Variants in YTHDC2 observed in about 807,000 individuals in gnomAD.
YTHDC2 encodes 3'-5' RNA helicase YTHDC2.
A neutral mutation model predicts 174.9 loss-of-function variants in YTHDC2; 45 were observed. The ratio of observed to expected loss-of-function variants is 0.26; its 90% CI spans 0.20 to 0.33. YTHDC2 has a LOEUF of 0.33. Among genes scored for constraint, YTHDC2 ranks in the 10% least tolerant of loss-of-function variants. YTHDC2 has a pLI of 1.00. For missense variants in YTHDC2, 1,650 were observed against 1,723.7 expected (o/e 0.96, Z 0.76); for synonymous variants, 657 against 574.5 (o/e 1.14, Z -2.05).
intron 17 of YTHDC2, among the ~76,000 whole-genome samples, chr5:113,557,035 A>G (rs2112688182): frequency 6.6e-6 from 1 of 152,318 alleles, no homozygotes; most frequent in Middle Eastern, 3.4e-3. Flanking sequence ...CAGAACATGC[A>G]TCTAGTAGTC....
At chr5:113,590,227 GT>G (rs1229463636) in intron 26 of YTHDC2, among the ~76,000 whole-genome samples, 1 of 152,322 alleles carries the variant, frequency 6.6e-6, no homozygotes, top group African/African-American at 2.4e-5. Context: ...GTGATGCACA[GT>G]TTAGTTGCAA....
At chr5:113,531,412 GACACC>G (rs997677997) in intron 4 of YTHDC2, among the ~76,000 whole-genome samples, 2 of 152,096 alleles carry the variant, frequency 1.3e-5, no homozygotes, top group African/African-American at 4.8e-5. Flanking sequence ...GTCTTGAGTA[GACACC>G]ACTAGAGGGT....
chr5:113,541,020 T>A lies in YTHDC2; in HGVS notation c.1263T>A (p.Ser421Arg). The A allele has an allele frequency of 1.2e-6, 2 of 1,613,976 alleles. No homozygotes were observed. The highest frequency in any genetic ancestry group is 1.7e-6 in the Non-Finnish European group (2 of 1,179,950). The stretch of plus-strand genomic sequence containing the variant: ...AATGGTACTCAGCTCAAGAAAATAG[T>A]TTCAAGCCTGAATCTCAGAGGCAGA... ...LTEWYSAQENSFKPESQRQRT... is the reference protein window; with the variant it reads ...LTEWYSAQENRFKPESQRQRT... The change falls in exon 9 of 30, where the codon AGT becomes AGA. Residue 421 changes from serine to arginine, a missense_variant. Ser to Arg is a moderately radical substitution (Grantham distance 110). Coordinates refer to ENST00000161863, the MANE Select transcript of YTHDC2 (RefSeq NM_022828.5).
At position 113,532,987 on chromosome 5, in the gene YTHDC2, G is replaced by A. The variant is rs115673426; in HGVS notation, c.784G>A (p.Ala262Thr). 167 of 1,614,152 alleles carry A rather than the reference G, an allele frequency of 1.0e-4. No homozygotes were observed. The African/African-American group carries it at 1.5e-3, about 14-fold the overall frequency. Residue 262 changes from alanine (A) to threonine (T), a missense_variant, in exon 5 of 30, where the codon GCA becomes ACA. By Grantham distance (58) the Ala-to-Thr change is moderately conservative (BLOSUM62 0). This residue lies in a region of YTHDC2 where 304 missense variants were observed against 341.4 expected (regional missense o/e 0.89). Coordinates refer to ENST00000161863, the MANE Select transcript of YTHDC2 (RefSeq NM_022828.5). ...AAIAVAERVA[A>T]ERRERIGQTI... Reference sequence around the variant, plus strand: ...TATCGCTGTGGCTGAAAGAGTTGCCGCAGAGAGACGGGAAAGGATTGGTCA... The same window carrying A: ...TATCGCTGTGGCTGAAAGAGTTGCCACAGAGAGACGGGAAAGGATTGGTCA...
Position 113,535,938 on chromosome 5 carries a change from C to G in YTHDC2, c.1102+140C>G, listed in dbSNP as rs544419998. The G allele has an allele frequency of 1.2e-5, 8 of 649,434 alleles. No homozygotes were observed. The South Asian group carries it at 1.8e-4, about 15-fold the overall frequency. 40.2% of individuals were successfully genotyped at this position (649,434 alleles called of 1,614,324 possible). ...CCACCTGAGATAGGCTTAATTGTCA[C>G]TTCTTTCTGTTTTCAACTTCTCCTT... On this transcript the variant is annotated intron_variant, in intron 7 of 29. Coordinates refer to ENST00000161863, the MANE Select transcript of YTHDC2 (RefSeq NM_022828.5).
chr5:113,545,027 T>A (rs1371283203), intron 10 of YTHDC2, among the ~76,000 whole-genome samples: 2 of 152,218 alleles, frequency 1.3e-5, no homozygotes, highest in Non-Finnish European at 2.9e-5. Flanking sequence ...GAGCTTGAGA[T>A]ATTCTGTTTA....
intron 5 of YTHDC2, among the ~76,000 whole-genome samples, chr5:113,533,660 GT>G (rs1175062064): frequency 6.6e-6 from 1 of 152,116 alleles, no homozygotes; most frequent in African/African-American, 2.4e-5. Flanking sequence ...TAGAGTACAG[GT>G]TTGATGTGAA....
intron 20 of YTHDC2, among the ~76,000 whole-genome samples, chr5:113,565,015 T>C (rs917969233): frequency 6.6e-6 from 1 of 152,108 alleles, no homozygotes; most frequent in Non-Finnish European, 1.5e-5. Flanking sequence ...GGTTTCACCA[T>C]GTGGGCCAGG....
At chr5:113,526,557 AT>A in intron 3 of YTHDC2, 28 bp from the exon 4 acceptor site, 3 of 1,540,256 alleles carry the variant, frequency 1.9e-6, no homozygotes, top group Non-Finnish European at 2.6e-6. Flanking sequence ...TTGATCATAC[AT>A]TTTTTGTTCT....
chr5:113,514,353 C>T lies in YTHDC2; in HGVS notation c.187+271C>T, dbSNP rs1255377037. 4 of 658,176 alleles carry T rather than the reference C, an allele frequency of 6.1e-6. No homozygotes were observed. The Admixed American group carries it at 8.3e-5, about 14-fold the overall frequency. The allele number at this position is 658,176 out of a possible 1,614,324, so 40.8% of individuals were successfully genotyped here. A position where few individuals can be genotyped will look rare whatever the true frequency, so the allele number is the denominator to read the frequency against. ...TTTTTCCCCCGCGTCTTTCAGCAGC[C>T]TTGGGCGGTTAAGCCACCGTGTTTC... On this transcript the variant is annotated intron_variant, in intron 1 of 29. Transcript: ENST00000161863.
chr5:113,573,506 A>G (rs1777859789), intron 23 of YTHDC2, among the ~76,000 whole-genome samples: 1 of 151,994 alleles, frequency 6.6e-6, no homozygotes, highest in Non-Finnish European at 1.5e-5. Flanking sequence ...CTGAATTTGA[A>G]TGTTGGCCTG....
At chr5:113,576,099 A>C (rs1007671646) in intron 23 of YTHDC2, among the ~76,000 whole-genome samples, 1 of 152,122 alleles carries the variant, frequency 6.6e-6, no homozygotes, top group Non-Finnish European at 1.5e-5. Context: ...AGACACTCTA[A>C]GTAAATTTTT....
intron 23 of YTHDC2, among the ~76,000 whole-genome samples, chr5:113,569,894 G>C (rs1400640117): frequency 2.0e-5 from 3 of 151,898 alleles, no homozygotes; most frequent in Non-Finnish European, 4.4e-5. Flanking sequence ...AGTATAATGG[G>C]AATAGCATTG....
intron 18 of YTHDC2, among the ~76,000 whole-genome samples, chr5:113,561,799 C>T (rs966385698): frequency 2.0e-5 from 3 of 151,972 alleles, no homozygotes; most frequent in African/African-American, 7.3e-5. Context: ...TTATGAGTTT[C>T]AACTATATAG....
chr5:113,577,277 A>G (rs890244676), intron 23 of YTHDC2, among the ~76,000 whole-genome samples: 7 of 152,150 alleles, frequency 4.6e-5, no homozygotes, highest in African/African-American at 1.7e-4. Flanking sequence ...TTATTGAGCT[A>G]TTGTTTGATA....
intron 23 of YTHDC2, among the ~76,000 whole-genome samples, chr5:113,573,838 C>T (rs992098896): frequency 6.6e-6 from 1 of 152,116 alleles, no homozygotes; most frequent in African/African-American, 2.4e-5. Context: ...ATGTTCTTCT[C>T]TAAACTGGCT....
intron 4 of YTHDC2, among the ~76,000 whole-genome samples, chr5:113,528,890 TTTTG>T (rs928398081): frequency 2.6e-4 from 40 of 152,218 alleles, no homozygotes; most frequent in South Asian, 1.5e-3. Context: ...GCTCGTGGGT[TTTTG>T]TTTGTTTGTT....
At chr5:113,538,214 T>C (rs1298810021) in intron 7 of YTHDC2, among the ~76,000 whole-genome samples, 2 of 152,198 alleles carry the variant, frequency 1.3e-5, no homozygotes, top group Non-Finnish European at 2.9e-5. Flanking sequence ...TAACCTGAAC[T>C]ATTGCAGTAG....
intron 21 of YTHDC2, 40 bp downstream of exon 21, chr5:113,566,059 G>A: frequency 6.4e-7 from 1 of 1,552,174 alleles, no homozygotes; most frequent in African/African-American, 1.4e-5. Context: ...AAGTTACTGA[G>A]AGTACCCTGC....
Sources: gnomAD v4.1 joint callset for allele counts (sites outside exome capture counted in the v4.1 genomes callset) on GRCh38, gnomAD v4.1.1 for gene constraint, gnomAD v4.1.1 regional missense constraint, MANE v1.5 for transcripts, NCBI Gene and HGNC (gene_info 2026-07-23, HGNC 2026-07-21) for gene names.